The following SRGAP1 variants were observed in gnomAD, a reference collection of about 807,000 sequenced individuals.
SRGAP1 encodes SLIT-ROBO Rho GTPase-activating protein 1.
Under a neutral mutation model 121.9 loss-of-function variants are expected in SRGAP1, and 43 were observed. That is an observed-to-expected ratio of 0.35 (90% CI 0.28 to 0.46). SRGAP1 has a LOEUF of 0.46. SRGAP1 is among the 20% of genes least tolerant of loss of function. SRGAP1 has a pLI of 1.00. For synonymous variants in SRGAP1, 447 were observed against 485.4 expected (o/e 0.92, Z 1.04); for missense variants, 1,102 against 1,350.9 (o/e 0.82, Z 2.89).
chr12:63,965,188 A>G (rs1438711766), intron 1 of SRGAP1, among the ~76,000 whole-genome samples: 1 of 152,324 alleles, frequency 6.6e-6, no homozygotes, highest in Admixed American at 6.5e-5. Context: ...GACAGTGGGT[A>G]TTGATGCTCT....
At chr12:64,074,613 T>G (rs2035701081) in intron 8 of SRGAP1, among the ~76,000 whole-genome samples, 1 of 152,134 alleles carries the variant, frequency 6.6e-6, no homozygotes, top group Non-Finnish European at 1.5e-5. Context: ...TACTCAAAAT[T>G]TATCTTTTGA....
At chr12:63,875,277 G>GGTGTGTGT (rs142238376) in intron 1 of SRGAP1, among the ~76,000 whole-genome samples, 1 of 150,928 alleles carries the variant, frequency 6.6e-6, no homozygotes, top group African/African-American at 2.4e-5. Flanking sequence ...GTTATTGTTT[G>GGTGTGTGT]GTGTGTGTGT....
chr12:63,904,447 A>G (rs2030100637), intron 1 of SRGAP1, among the ~76,000 whole-genome samples: 1 of 152,188 alleles, frequency 6.6e-6, no homozygotes, highest in Non-Finnish European at 1.5e-5. Context: ...AGACTATGAG[A>G]TGGAAGTCAG....
chr12:64,002,627 A>G (rs1019960837), intron 3 of SRGAP1, among the ~76,000 whole-genome samples: 2 of 152,196 alleles, frequency 1.3e-5, no homozygotes, highest in South Asian at 4.1e-4. Context: ...GAAACCTACC[A>G]AAGACTTCGA....
chr12:63,949,718 G>A (rs929567784), intron 1 of SRGAP1, among the ~76,000 whole-genome samples: 5 of 152,000 alleles, frequency 3.3e-5, no homozygotes, highest in East Asian at 1.9e-4. Flanking sequence ...AGGATACAAC[G>A]TATTGTAGAA....
intron 6 of SRGAP1, among the ~76,000 whole-genome samples, chr12:64,051,169 C>T (rs2035232520): frequency 6.6e-6 from 1 of 152,180 alleles, no homozygotes; most frequent in Non-Finnish European, 1.5e-5. Flanking sequence ...TACATAAAGG[C>T]CTGATGGGTT....
intron 8 of SRGAP1, among the ~76,000 whole-genome samples, chr12:64,065,956 A>G (rs1265000651): frequency 6.6e-6 from 1 of 152,262 alleles, no homozygotes; most frequent in Non-Finnish European, 1.5e-5. Flanking sequence ...GGAAGCAATT[A>G]TACAATTCAG....
chr12:63,906,032 T>C (rs1186615616), intron 1 of SRGAP1, among the ~76,000 whole-genome samples: 1 of 152,180 alleles, frequency 6.6e-6, no homozygotes, highest in East Asian at 1.9e-4. Context: ...CTCATCTTTA[T>C]ATGCAGTTAA....
intron 1 of SRGAP1, among the ~76,000 whole-genome samples, chr12:63,964,324 G>A (rs2032723972): frequency 6.6e-6 from 1 of 152,116 alleles, no homozygotes; most frequent in African/African-American, 2.4e-5. Flanking sequence ...ACTATTATTA[G>A]ATATCTTATA....
intron 4 of SRGAP1, among the ~76,000 whole-genome samples, chr12:64,035,313 A>G (rs1028163483): frequency 1.5e-5 from 2 of 135,704 alleles, no homozygotes; most frequent in Admixed American, 7.5e-5. Context: ...CACTCAGCCT[A>G]CCCTGAAGTC....
chr12:64,118,140 CTATTTT>C (rs1181385670), intron 18 of SRGAP1, among the ~76,000 whole-genome samples: 1 of 152,162 alleles, frequency 6.6e-6, no homozygotes, highest in Non-Finnish European at 1.5e-5. Context: ...CATGGTAGTT[CTATTTT>C]TAAGTTTTTG....
At chr12:63,874,079 G>A (rs1462877533) in intron 1 of SRGAP1, among the ~76,000 whole-genome samples, 1 of 151,594 alleles carries the variant, frequency 6.6e-6, no homozygotes, top group African/African-American at 2.4e-5. Flanking sequence ...AAAGAAGGAA[G>A]GGAGAGACAG....
chr12:63,986,701 G>A (rs2033428819), intron 2 of SRGAP1, among the ~76,000 whole-genome samples: 1 of 152,186 alleles, frequency 6.6e-6, no homozygotes, highest in Admixed American at 6.5e-5. Context: ...GGGATGACAG[G>A]TGTGAGCCAC....
chr12:64,127,438 G>C, intron 19 of SRGAP1, 152 bp from the exon 20 acceptor site: 1 of 732,950 alleles, frequency 1.4e-6, no homozygotes, highest in East Asian at 3.0e-5. Flanking sequence ...AATGAAAAGA[G>C]AAAAGTTATT....
rs2036987671 is a variant in SRGAP1, at chr12:64,142,770, T to C, written c.*98T>C. The C allele has an allele frequency of 6.8e-7, 1 of 1,477,270 alleles. No homozygotes were observed. The highest frequency in any genetic ancestry group is 1.4e-5 in the South Asian group (1 of 71,982). 91.5% of individuals were successfully genotyped at this position (1,477,270 alleles called of 1,614,324 possible). The stretch of plus-strand genomic sequence containing the variant: ...CCATAACTTTCCTTAGTTTTGTGCT[T>C]ATAACTGGAGATCTTTTGGCTTTTC... On this transcript the variant is annotated 3_prime_UTR_variant, in exon 22 of 22. Coordinates refer to ENST00000355086, the MANE Select transcript of SRGAP1 (RefSeq NM_020762.4).
At chr12:63,849,086 C>G (rs1426756608) in intron 1 of SRGAP1, among the ~76,000 whole-genome samples, 1 of 152,160 alleles carries the variant, frequency 6.6e-6, no homozygotes, top group Non-Finnish European at 1.5e-5. Context: ...CATTTCATGC[C>G]TCTTGGTCAA....
Position 64,147,604 on chromosome 12 carries a change from GC to G in SRGAP1, c.*4935del. 1 of 398,648 alleles carries G rather than the reference GC, an allele frequency of 2.5e-6. No individual in the cohort carries two copies. The highest frequency in any genetic ancestry group is 3.6e-5 in the East Asian group (1 of 28,074). 24.7% of individuals were successfully genotyped at this position (398,648 alleles called of 1,614,324 possible). ...ATGTGCTGCTGACAGCATCGCATTC[GC>G]CCGTGCTCTGTACTGCCTCTCACCA... is the stretch of plus-strand genomic sequence containing the variant. On this transcript the variant is annotated 3_prime_UTR_variant, in exon 22 of 22. Transcript: ENST00000355086.
chr12:63,867,966 AAG>A (rs1206802484), intron 1 of SRGAP1, among the ~76,000 whole-genome samples: 1 of 145,996 alleles, frequency 6.8e-6, no homozygotes, highest in Non-Finnish European at 1.5e-5. Flanking sequence ...TTTGGCTACA[AAG>A]AGACATTTTG....
rs959804364 is a variant in SRGAP1 at position 63,854,640 on chromosome 12, ATAT to A, written c.67+9764_67+9766del. ...TCTTATGACTTCAATTTTATACTCA[ATAT>A]TATTATGTTAAGATTAATCTACCTT... On this transcript the variant is annotated intron_variant, in intron 1 of 21. Transcript: ENST00000355086. Among the ~76,000 whole-genome samples, 115 of 152,308 alleles carry A rather than the reference ATAT, an allele frequency of 7.6e-4. 1 individual carries two copies. Among genetic ancestry groups the A allele is most frequent in the African/African-American group, 2.7e-3 (113 of 41,578 alleles).
Sources: allele counts gnomAD v4.1 joint callset (sites outside exome capture counted in the v4.1 genomes callset), GRCh38; gene constraint gnomAD v4.1.1; transcripts MANE v1.5; gene names NCBI Gene and HGNC (gene_info 2026-07-23, HGNC 2026-07-21).